The following RTN4RL1 variants were observed in gnomAD, a reference collection of about 807,000 sequenced individuals.
RTN4RL1 encodes reticulon 4 receptor like 1, also known as reticulon-4 receptor-like 1.
Under a neutral mutation model 25.6 loss-of-function variants are expected in RTN4RL1, and 7 were observed. That is an observed-to-expected ratio of 0.27 (90% CI 0.16 to 0.51). The LOEUF (loss-of-function observed/expected upper bound fraction) is 0.51. RTN4RL1 is among the 20% of genes least tolerant of loss of function. The pLI, the probability that RTN4RL1 is intolerant of heterozygous loss-of-function variation, is 0.97. For synonymous variants in RTN4RL1, 297 were observed against 288.2 expected (o/e 1.03, Z -0.31); for missense variants, 500 against 615.6 (o/e 0.81, Z 1.99).
chr17:1,991,030 A>G (rs1050966394), intron 1 of RTN4RL1, among the ~76,000 whole-genome samples: 2 of 152,148 alleles, frequency 1.3e-5, no homozygotes, highest in Admixed American at 6.5e-5. Context: ...CCCATGTGCA[A>G]TTTGGATGCC....
At position 1,983,428 on chromosome 17, in the gene RTN4RL1, G is replaced by A. The variant is rs186958996; in HGVS notation, c.13+41425C>T. Reference sequence around the variant, plus strand: ...TGACAGTGATACTAACAAAACATCCGCAAGCCCTTCCCAAGACGCTGCACC... The same window carrying A: ...TGACAGTGATACTAACAAAACATCCACAAGCCCTTCCCAAGACGCTGCACC... On this transcript the variant is annotated intron_variant, in intron 1 of 1. Coordinates refer to ENST00000331238, the MANE Select transcript of RTN4RL1 (RefSeq NM_178568.4). 3.3e-5 allele frequency among the ~76,000 whole-genome samples: 5 copies of A among 152,304 alleles called. No individual in the cohort carries two copies. In the East Asian group the frequency reaches 5.8e-4, roughly 18 times the overall value.
At chr17:2,005,591 G>A (rs1255066271) in intron 1 of RTN4RL1, among the ~76,000 whole-genome samples, 1 of 152,062 alleles carries the variant, frequency 6.6e-6, no homozygotes, top group Non-Finnish European at 1.5e-5. Flanking sequence ...CTCATGGCTG[G>A]TGTGGTGGCG....
At chr17:1,946,138 C>T (rs566042507) in intron 1 of RTN4RL1, among the ~76,000 whole-genome samples, 1 of 152,302 alleles carries the variant, frequency 6.6e-6, no homozygotes, top group African/African-American at 2.4e-5. Flanking sequence ...GGCAGGTTTG[C>T]CTGGGACAGA....
chr17:1,937,870 C>T, intron 1 of RTN4RL1, 62 bp from the exon 2 acceptor site: 1 of 1,282,208 alleles, frequency 7.8e-7, no homozygotes, highest in Non-Finnish European at 1.1e-6. Flanking sequence ...GGCACCGCAC[C>T]CTCCGGCGCC....
At chr17:1,942,386 A>G (rs532562909) in intron 1 of RTN4RL1, among the ~76,000 whole-genome samples, 1 of 151,814 alleles carries the variant, frequency 6.6e-6, no homozygotes, top group South Asian at 2.1e-4. Context: ...GAGGATCCTC[A>G]TGGCTCACTA....
chr17:1,982,618 GAAAAGAA>G (rs2066872314), intron 1 of RTN4RL1, among the ~76,000 whole-genome samples: 4 of 62,918 alleles, frequency 6.4e-5, no homozygotes, highest in African/African-American at 3.1e-4. Context: ...CGTCTCAAAA[GAAAAGAA>G]AAGAAAAGAA....
chr17:1,986,229 C>T (rs1480975613), intron 1 of RTN4RL1, among the ~76,000 whole-genome samples: 1 of 152,062 alleles, frequency 6.6e-6, no homozygotes, highest in African/African-American at 2.4e-5. Context: ...CTGTGAAGGA[C>T]TCGGTGAGGA....
rs1283291579 is a variant in RTN4RL1 at position 1,999,681 on chromosome 17, CA to C, written c.13+25171del. On this transcript the variant is annotated intron_variant, in intron 1 of 1. Coordinates refer to ENST00000331238, the MANE Select transcript of RTN4RL1 (RefSeq NM_178568.4). ...GCCCACTCCCTATACATGCCCCCCC[CA>C]CACACACACGCACAGGCACACACAC... Among the ~76,000 whole-genome samples, 39 of 131,528 alleles carry C rather than the reference CA, an allele frequency of 3.0e-4. No individual in the cohort carries two copies. In the East Asian group the frequency reaches 3.0e-3, roughly 10 times the overall value. The allele number at this position is 131,528 out of a possible 152,430, so 86.3% of individuals were successfully genotyped here.
At chr17:2,022,419 T>G (rs1418524791) in intron 1 of RTN4RL1, among the ~76,000 whole-genome samples, 1 of 152,212 alleles carries the variant, frequency 6.6e-6, no homozygotes, top group African/African-American at 2.4e-5. Flanking sequence ...CCCAAAATGC[T>G]GGGATTACAG....
At chr17:1,947,651 C>T (rs570602481) in intron 1 of RTN4RL1, among the ~76,000 whole-genome samples, 95 of 152,344 alleles carry the variant, frequency 6.2e-4, no homozygotes, top group Middle Eastern at 3.4e-3. Context: ...CTGGGAATGC[C>T]GTGCTAATTA....
At chr17:1,995,887 T>C (rs2066927404) in intron 1 of RTN4RL1, among the ~76,000 whole-genome samples, 1 of 152,230 alleles carries the variant, frequency 6.6e-6, no homozygotes, top group Middle Eastern at 3.2e-3. Context: ...CCTGAGAGGC[T>C]GCAGAGCCAG....
At chr17:2,020,043 T>C (rs568283488) in intron 1 of RTN4RL1, 20 of 152,278 alleles carry the variant, frequency 1.3e-4, no homozygotes, top group African/African-American at 4.6e-4. Flanking sequence ...TGACGTCTTT[T>C]TTCTGGCATA....
At chr17:2,016,686 T>C (rs2067128626) in intron 1 of RTN4RL1, among the ~76,000 whole-genome samples, 1 of 152,218 alleles carries the variant, frequency 6.6e-6, no homozygotes, top group South Asian at 2.1e-4. Flanking sequence ...ATGCGGCACA[T>C]GCCAGCGACA....
intron 1 of RTN4RL1, among the ~76,000 whole-genome samples, chr17:1,955,024 C>T (rs1423741923): frequency 1.3e-5 from 2 of 152,140 alleles, no homozygotes; most frequent in African/African-American, 2.4e-5. Context: ...TGCCTGCAGT[C>T]TCTAAGAATC....
intron 1 of RTN4RL1, among the ~76,000 whole-genome samples, chr17:1,946,776 CTGTG>C (rs202109577): frequency 0.014 from 1,585 of 115,662 alleles, 33 homozygotes; most frequent in African/African-American, 0.053. Flanking sequence ...GATTGTGTGT[CTGTG>C]TGTGCATGGC....
chr17:1,936,345 A>G lies in RTN4RL1; in HGVS notation c.*151T>C, dbSNP rs991660760. ...TGTACACTTTGGGTTTATAATCCAC[A>G]TGGCAGGGTCCAGACGTCCAGACAG... On this transcript the variant is annotated 3_prime_UTR_variant, in exon 2 of 2. Transcript: ENST00000331238. 73 of 1,429,044 alleles carry G rather than the reference A, an allele frequency of 5.1e-5. No homozygotes were observed. In the Middle Eastern group the frequency reaches 1.3e-3, roughly 25 times the overall value. 88.5% of individuals were successfully genotyped at this position (1,429,044 alleles called of 1,614,324 possible). A position where few individuals can be genotyped will look rare whatever the true frequency, so the allele number is the denominator to read the frequency against.
At chr17:1,953,576 T>A (rs1005963223) in intron 1 of RTN4RL1, among the ~76,000 whole-genome samples, 8 of 149,176 alleles carry the variant, frequency 5.4e-5, no homozygotes, top group Non-Finnish European at 7.4e-5. Context: ...AAAAAAAAAT[T>A]TTTTTTTGAG....
intron 1 of RTN4RL1, among the ~76,000 whole-genome samples, chr17:1,991,470 A>AC (rs1252425072): frequency 3.3e-5 from 5 of 151,616 alleles, no homozygotes; most frequent in African/African-American, 1.2e-4. Flanking sequence ...AAAACAAAAA[A>AC]AAACTTCAAA....
At chr17:1,967,280 T>C (rs2066795866) in intron 1 of RTN4RL1, among the ~76,000 whole-genome samples, 1 of 152,106 alleles carries the variant, frequency 6.6e-6, no homozygotes, top group South Asian at 2.1e-4. Context: ...AAACACTGTG[T>C]GGGCCAACAC....
Sources: allele counts gnomAD v4.1 joint callset (sites outside exome capture counted in the v4.1 genomes callset), GRCh38; gene constraint gnomAD v4.1.1; transcripts MANE v1.5; gene names NCBI Gene and HGNC (gene_info 2026-07-23, HGNC 2026-07-21).